RBFOX1: variants seen among roughly 807,000 people sequenced by gnomAD.
RBFOX1 encodes RNA binding fox-1 homolog 1, also known as RNA binding protein fox-1 homolog 1.
In RBFOX1, 8 loss-of-function variants were observed where a neutral mutation model predicts 57.7. The ratio of observed to expected loss-of-function variants is 0.14; its 90% CI spans 0.08 to 0.25. The LOEUF (loss-of-function observed/expected upper bound fraction) is 0.25, where lower values mean the gene tolerates loss of function less well. Ranked by LOEUF, RBFOX1 falls within the 10% of genes least tolerant of loss-of-function variation. RBFOX1 has a pLI of 1.00. For synonymous variants in RBFOX1, 326 were observed against 222.4 expected, an observed-to-expected ratio of 1.47 and a Z score of -4.15; for missense variants, 611 against 548.5, an observed-to-expected ratio of 1.11 and a Z score of -1.14.
chr16:5,407,663 C>G (rs2151455298), intron 1 of RBFOX1, among the ~76,000 whole-genome samples: 1 of 152,282 alleles, frequency 6.6e-6, no homozygotes, highest in Admixed American at 6.5e-5. Flanking sequence ...ATTATCCTGC[C>G]TCAGCCTCCT....
intron 1 of RBFOX1, among the ~76,000 whole-genome samples, chr16:6,235,068 T>G (rs2097495011): frequency 6.6e-6 from 1 of 152,072 alleles, no homozygotes. Context: ...GTAAATTCAG[T>G]TTGCAGGATA....
intron 3 of RBFOX1, among the ~76,000 whole-genome samples, chr16:7,051,555 C>T (rs775230063): frequency 6.6e-6 from 1 of 152,238 alleles, no homozygotes; most frequent in Non-Finnish European, 1.5e-5. Context: ...TGGGGACTTA[C>T]TACCATCTGA....
chr16:5,607,975 C>T (rs747306728), intron 3 of RBFOX1, among the ~76,000 whole-genome samples: 5 of 152,176 alleles, frequency 3.3e-5, no homozygotes, highest in African/African-American at 9.7e-5. Context: ...TATGTGCACT[C>T]GTGCACCTGT....
intron 13 of RBFOX1, among the ~76,000 whole-genome samples, chr16:7,669,022 A>C (rs994724336): frequency 3.4e-4 from 52 of 152,174 alleles, no homozygotes; most frequent in African/African-American, 1.2e-3. Context: ...CTTCAACCTC[A>C]GCCTCCTGAG....
At chr16:7,245,991 G>C (rs2094282588) in intron 4 of RBFOX1, among the ~76,000 whole-genome samples, 1 of 152,098 alleles carries the variant, frequency 6.6e-6, no homozygotes, top group South Asian at 2.1e-4. Context: ...AGTGTAAATA[G>C]AAATTTGTTT....
intron 3 of RBFOX1, among the ~76,000 whole-genome samples, chr16:6,871,475 C>T (rs532389340): frequency 1.6e-4 from 24 of 152,174 alleles, no homozygotes; most frequent in African/African-American, 2.9e-4. Context: ...TGTGAGCCAC[C>T]GTGCCCGGCC....
chr16:5,889,810 C>A (rs2058001836), intron 4 of RBFOX1, among the ~76,000 whole-genome samples: 1 of 152,150 alleles, frequency 6.6e-6, no homozygotes, highest in Non-Finnish European at 1.5e-5. Flanking sequence ...GTTGGCAAGA[C>A]AAAAGCAGAC....
intron 4 of RBFOX1, among the ~76,000 whole-genome samples, chr16:7,212,050 A>T (rs1282988778): frequency 6.6e-6 from 1 of 152,054 alleles, no homozygotes; most frequent in Non-Finnish European, 1.5e-5. Context: ...TGGGGCCAAG[A>T]AGGTTCCTAA....
At chr16:5,932,849 G>T (rs1042889790) in intron 4 of RBFOX1, among the ~76,000 whole-genome samples, 2 of 151,904 alleles carry the variant, frequency 1.3e-5, no homozygotes, top group African/African-American at 2.4e-5. Flanking sequence ...CCTCACACCC[G>T]CCACTCCCTG....
chr16:6,257,085 A>G (rs968146937), intron 1 of RBFOX1, among the ~76,000 whole-genome samples: 4 of 152,096 alleles, frequency 2.6e-5, no homozygotes, highest in African/African-American at 9.7e-5. Flanking sequence ...TATTTATTGA[A>G]TGATTTGGTT....
In RBFOX1 at chr16:5,394,919, C is replaced by T. The variant is rs372945544; in HGVS notation, c.220-72297C>T. ...TAGGACTGAAGTGGTAACATCCTCA[C>T]TGGCCACCTTGTGTCCAGCCGGCAT... On this transcript the variant is annotated intron_variant, in intron 1 of 2. Coordinates refer to the RBFOX1 transcript ENST00000585867. 3.3e-5 allele frequency among the ~76,000 whole-genome samples: 5 copies of T among 152,258 alleles called. No homozygotes were observed. The South Asian group carries it at 6.2e-4, about 19-fold the overall frequency.
At chr16:6,906,747 G>C (rs1253768131) in intron 3 of RBFOX1, among the ~76,000 whole-genome samples, 1 of 145,224 alleles carries the variant, frequency 6.9e-6, no homozygotes, top group African/African-American at 2.6e-5. Context: ...TTTTGAGACA[G>C]AGTCTTGCTC....
At chr16:7,336,585 G>A (rs1207940160) in intron 4 of RBFOX1, among the ~76,000 whole-genome samples, 1 of 152,214 alleles carries the variant, frequency 6.6e-6, no homozygotes, top group Non-Finnish European at 1.5e-5. Flanking sequence ...CAATCTAGTG[G>A]AAGAACTAGT....
rs2060121726 is a variant in RBFOX1, at chr16:7,626,667, G to A, written c.677-3936G>A. 2.6e-5 allele frequency among the ~76,000 whole-genome samples: 4 copies of A among 152,096 alleles called. No individual in the cohort carries two copies. The South Asian group carries it at 8.3e-4, about 32-fold the overall frequency. On this transcript the variant is annotated intron_variant, in intron 10 of 15. Coordinates refer to ENST00000550418, the MANE Select transcript of RBFOX1 (RefSeq NM_018723.4). ...GAAGAGAAAACACGTGAAGTAGATT[G>A]AAGCTATTTCAATCTGTAAAAGTTA... is the stretch of plus-strand genomic sequence containing the variant.
chr16:6,367,058 C>T (rs920791383), intron 2 of RBFOX1, among the ~76,000 whole-genome samples: 19 of 152,164 alleles, frequency 1.2e-4, no homozygotes, highest in Admixed American at 1.0e-3. Context: ...ATCCCACTTC[C>T]GCAGCTTGTA....
At chr16:6,668,985 T>A (rs959139631) in intron 3 of RBFOX1, among the ~76,000 whole-genome samples, 33 of 152,164 alleles carry the variant, frequency 2.2e-4, no homozygotes, top group African/African-American at 7.2e-4. Context: ...GTTAATTAAT[T>A]TTTCTTTCTC....
At chr16:6,209,278 T>C (rs1210308306) in intron 1 of RBFOX1, among the ~76,000 whole-genome samples, 1 of 152,222 alleles carries the variant, frequency 6.6e-6, no homozygotes, top group Admixed American at 6.5e-5. Context: ...GGAATTAACC[T>C]AACTTTTCAG....
intron 3 of RBFOX1, among the ~76,000 whole-genome samples, chr16:6,878,422 A>G (rs1053238671): frequency 6.6e-6 from 1 of 152,222 alleles, no homozygotes; most frequent in African/African-American, 2.4e-5. Flanking sequence ...TCCTTCATCC[A>G]AGATTGCTGA....
At chr16:6,749,936 G>A (rs753105453) in intron 3 of RBFOX1, among the ~76,000 whole-genome samples, 1 of 152,180 alleles carries the variant, frequency 6.6e-6, no homozygotes, top group Admixed American at 6.5e-5. Context: ...GACTGTGTCA[G>A]GGTGTTCAGA....
Sources: allele counts gnomAD v4.1 joint callset (sites outside exome capture counted in the v4.1 genomes callset), GRCh38; gene constraint gnomAD v4.1.1; transcripts MANE v1.5; gene names NCBI Gene and HGNC (gene_info 2026-07-23, HGNC 2026-07-21).